Variants in RSBN1L observed in about 807,000 individuals in gnomAD.
RSBN1L encodes lysine-specific demethylase RSBN1L.
Under a neutral mutation model 67.7 loss-of-function variants are expected in RSBN1L, and 30 were observed. That is an observed-to-expected ratio of 0.44 (90% CI 0.33 to 0.60). The LOEUF is 0.60. Among genes scored for constraint, RSBN1L ranks in the 20% least tolerant of loss-of-function variants. The probability of loss-of-function intolerance (pLI) is 0.02; values close to 1 mark genes in which losing one functional copy is unlikely to be tolerated. For missense variants in RSBN1L, 992 were observed against 1,031.7 expected (o/e 0.96, Z 0.53); for synonymous variants, 433 against 387.0 (o/e 1.12, Z -1.39).
chr7:77,750,840 A>G (rs933404977), intron 3 of RSBN1L, among the ~76,000 whole-genome samples: 1 of 152,216 alleles, frequency 6.6e-6, no homozygotes, highest in Non-Finnish European at 1.5e-5. Context: ...GAAGTCTCAA[A>G]TGGATCTTAG....
intron 2 of RSBN1L, among the ~76,000 whole-genome samples, chr7:77,740,985 C>CTTTTTTTTTTT (rs869081974): frequency 1.3e-4 from 13 of 102,912 alleles, no homozygotes; most frequent in East Asian, 2.8e-4. Context: ...CTTTTCTTTT[C>CTTTTTTTTTTT]TTTTTTTTTT....
chr7:77,707,666 T>C (rs1246095103), intron 1 of RSBN1L, among the ~76,000 whole-genome samples: 1 of 152,234 alleles, frequency 6.6e-6, no homozygotes. Context: ...TATTACTCAA[T>C]TTTCTCATTT....
At chr7:77,740,187 G>A (rs1791390639) in intron 2 of RSBN1L, among the ~76,000 whole-genome samples, 1 of 152,080 alleles carries the variant, frequency 6.6e-6, no homozygotes. Flanking sequence ...TAGTTTAAAG[G>A]AACAAATAAG....
intron 3 of RSBN1L, among the ~76,000 whole-genome samples, chr7:77,753,101 A>G (rs180844594): frequency 1.3e-5 from 2 of 152,300 alleles, no homozygotes; most frequent in East Asian, 3.9e-4. Flanking sequence ...TAGAACACGG[A>G]TGCTATGAAT....
rs558915550 is a variant in RSBN1L at position 77,773,329 on chromosome 7, C to A, written c.1793+15C>A. ...TGTGGAGAGTGGTATATATAACTAC[C>A]GCTATTTTAATGAAAGAATTTCTTG... is the stretch of plus-strand genomic sequence containing the variant. On this transcript the variant is annotated intron_variant, in intron 6 of 7. Transcript: ENST00000334955. The A allele has an allele frequency of 4.9e-6, 7 of 1,436,262 alleles. No individual in the cohort carries two copies. In the Admixed American group the frequency reaches 7.5e-5, roughly 15 times the overall value. The allele number at this position is 1,436,262 out of a possible 1,614,324, so 89.0% of individuals were successfully genotyped here.
chr7:77,720,737 GTTTC>G (rs1454718003), intron 1 of RSBN1L, among the ~76,000 whole-genome samples: 1 of 146,366 alleles, frequency 6.8e-6, no homozygotes, highest in African/African-American at 2.5e-5. Flanking sequence ...TACATTTGGG[GTTTC>G]TTTCTTTTTC....
At chr7:77,767,443 G>A (rs1274796434) in intron 4 of RSBN1L, among the ~76,000 whole-genome samples, 12 of 151,714 alleles carry the variant, frequency 7.9e-5, no homozygotes, top group African/African-American at 2.4e-4. Context: ...GTGCGATCTC[G>A]GCTCACTGCA....
In RSBN1L at chr7:77,750,474, G is replaced by A. The variant is rs543243821; in HGVS notation, c.1344+410G>A. 1.3e-3 allele frequency among the ~76,000 whole-genome samples: 197 copies of A among 152,184 alleles called. 1 individual carries two copies. Among genetic ancestry groups the A allele is most frequent in the Middle Eastern group, 3.4e-3 (1 of 294 alleles). On this transcript the variant is annotated intron_variant, in intron 3 of 7. Coordinates refer to ENST00000334955, the MANE Select transcript of RSBN1L (RefSeq NM_198467.3). ...CCAGGCCCATCACATGGTAGGTACT[G>A]AAGAAATGTTGGCCATTAAAAATAT... is the stretch of plus-strand genomic sequence containing the variant.
At chr7:77,755,598 C>T (rs1562806046) in intron 3 of RSBN1L, among the ~76,000 whole-genome samples, 1 of 151,876 alleles carries the variant, frequency 6.6e-6, no homozygotes. Context: ...GCCCTGGAGG[C>T]GGAGGTTGCA....
chr7:77,778,847 A>C lies in RSBN1L; in HGVS notation c.2220A>C (p.Ser740=). 5.0e-6 allele frequency: 8 copies of C among 1,614,098 alleles called. No individual in the cohort carries two copies. Among genetic ancestry groups the C allele is most frequent in the Non-Finnish European group, 6.8e-6 (8 of 1,179,970 alleles). ...AAGCCTCCTTGGATTCTGTTTTTTC[A>C]GATAAACTTCATTCTAAATATGAAT... ...VSKASLDSVF[S]DKLHSKYELQ... Residue 740 remains serine (S), a synonymous_variant, in exon 8 of 8, where the codon TCA becomes TCC. Transcript: ENST00000334955.
chr7:77,775,304 G>T (rs1011988775), intron 6 of RSBN1L, among the ~76,000 whole-genome samples: 2 of 152,122 alleles, frequency 1.3e-5, no homozygotes, highest in Non-Finnish European at 2.9e-5. Flanking sequence ...GGAGGCCGAG[G>T]TGGGTAGATC....
chr7:77,703,249 T>G lies in RSBN1L; in HGVS notation c.586+6194T>G, dbSNP rs191420867. ...TCTTGTTTCCTTAGGAGTGTGTGTT[T>G]GTGGGTATTCTGCCCTATTTCCTAG... is the stretch of plus-strand genomic sequence containing the variant. On this transcript the variant is annotated intron_variant, in intron 1 of 7. Transcript: ENST00000334955. Among the ~76,000 whole-genome samples the G allele has an allele frequency of 3.3e-3, 496 of 152,314 alleles. 1 individual carries two copies. Among genetic ancestry groups the G allele is most frequent in the Admixed American group, 6.1e-3 (93 of 15,294 alleles).
At chr7:77,755,069 T>A (rs1448565705) in intron 3 of RSBN1L, among the ~76,000 whole-genome samples, 2 of 152,200 alleles carry the variant, frequency 1.3e-5, no homozygotes, top group Non-Finnish European at 2.9e-5. Context: ...TGTGTGAAAT[T>A]GCTTTCACCA....
intron 1 of RSBN1L, among the ~76,000 whole-genome samples, chr7:77,732,482 G>A (rs186770313): frequency 1.3e-5 from 2 of 152,132 alleles, no homozygotes; most frequent in Admixed American, 6.5e-5. Flanking sequence ...AAAGGCACCC[G>A]CCACCATGCC....
chr7:77,698,710 G>A (rs1462177110), intron 1 of RSBN1L, among the ~76,000 whole-genome samples: 1 of 152,174 alleles, frequency 6.6e-6, no homozygotes, highest in Non-Finnish European at 1.5e-5. Flanking sequence ...TATAAACAGT[G>A]ATAGGTTTTA....
At chr7:77,735,026 C>G (rs1791315066) in intron 1 of RSBN1L, among the ~76,000 whole-genome samples, 1 of 149,152 alleles carries the variant, frequency 6.7e-6, no homozygotes, top group Admixed American at 6.7e-5. Context: ...GTTTGCTGTA[C>G]TTTCGTATGC....
At chr7:77,735,809 T>A (rs930021871) in intron 1 of RSBN1L, among the ~76,000 whole-genome samples, 1 of 152,136 alleles carries the variant, frequency 6.6e-6, no homozygotes, top group African/African-American at 2.4e-5. Flanking sequence ...AAATGAATGA[T>A]CCCTAGAGTT....
chr7:77,717,906 C>G (rs1046696240), intron 1 of RSBN1L, among the ~76,000 whole-genome samples: 1 of 152,168 alleles, frequency 6.6e-6, no homozygotes, highest in African/African-American at 2.4e-5. Flanking sequence ...GTAATCTCAG[C>G]TACTTGGGAG....
rs1791989288 is a variant in RSBN1L at position 77,780,832 on chromosome 7, A to G, written c.*1664A>G. On this transcript the variant is annotated 3_prime_UTR_variant, in exon 8 of 8. Transcript: ENST00000334955. ...ATGAGTAAAACAGACCTCTTTAATG[A>G]TAGACTCACTATTTGACACTGCTTC... The G allele has an allele frequency of 6.6e-6, 1 of 152,222 alleles. No individual in the cohort carries two copies. Among genetic ancestry groups the G allele is most frequent in the Admixed American group, 6.5e-5 (1 of 15,278 alleles). 9.4% of individuals were successfully genotyped at this position (152,222 alleles called of 1,614,324 possible).
Sources: allele counts gnomAD v4.1 joint callset (sites outside exome capture counted in the v4.1 genomes callset), GRCh38; gene constraint gnomAD v4.1.1; transcripts MANE v1.5; gene names NCBI Gene and HGNC (gene_info 2026-07-23, HGNC 2026-07-21).